Variants in UNC45B observed in about 807,000 individuals in gnomAD.
UNC45B encodes unc-45 myosin chaperone B.
A neutral mutation model predicts 98.7 loss-of-function variants in UNC45B; 78 were observed. The ratio of observed to expected loss-of-function variants is 0.79; its 90% confidence interval spans 0.66 to 0.95. UNC45B has a LOEUF of 0.95. Ranked by LOEUF, UNC45B falls within the 40% of genes least tolerant of loss-of-function variation. The pLI is 0.00. For synonymous variants in UNC45B, 462 were observed against 480.4 expected (o/e 0.96, Z 0.50); for missense variants, 1,225 against 1,184.9 (o/e 1.03, Z -0.50).
chr17:35,171,494 G>T (rs573624158), intron 13 of UNC45B, 32 bp downstream of exon 13: 18 of 1,608,958 alleles, frequency 1.1e-5, no homozygotes, highest in Middle Eastern at 1.7e-4. Context: ...GAGGGGTCTG[G>T]TCTGTGCCAC....
In UNC45B at chr17:35,166,127, G is replaced by A. The variant is rs552069417; in HGVS notation, c.1152-1934G>A. On this transcript the variant is annotated intron_variant, in intron 9 of 19. Coordinates refer to ENST00000394570, the MANE Select transcript of UNC45B (RefSeq NM_001267052.2). ...AAAAAAAAAATTAAAAATGAGTCAA[G>A]TGTGGTGGCACACCCCTGTAGTCTC... is the stretch of plus-strand genomic sequence containing the variant. 7.0e-5 allele frequency among the ~76,000 whole-genome samples: 8 copies of A among 113,704 alleles called. No individual in the cohort carries two copies. In the East Asian group the frequency reaches 1.8e-3, roughly 26 times the overall value. 74.6% of individuals were successfully genotyped at this position (113,704 alleles called of 152,430 possible). A position where few individuals can be genotyped will look rare whatever the true frequency, so the allele number is the denominator to read the frequency against.
At chr17:35,168,953 C>A (rs1414820147) in intron 10 of UNC45B, among the ~76,000 whole-genome samples, 1 of 151,972 alleles carries the variant, frequency 6.6e-6, no homozygotes, top group African/African-American at 2.4e-5. Flanking sequence ...GTGATCCACC[C>A]CCCTGGGCCT....
At position 35,159,399 on chromosome 17, in the gene UNC45B, T is replaced by A; in HGVS notation, c.833T>A (p.Ile278Asn). 1.2e-6 allele frequency: 2 copies of A among 1,613,794 alleles called. No individual in the cohort carries two copies. The highest frequency in any genetic ancestry group is 1.7e-6 in the Non-Finnish European group (2 of 1,179,790). ...GACACCAAGAAGGACCTGAAGCAGA[T>A]CACCAGCCACCTGCTGGACATGCTA... ...VLDTKKDLKQ[I>N]TSHLLDMLVS... Residue 278 changes from isoleucine (I) to asparagine (N), a missense_variant, in exon 8 of 20, where the codon ATC becomes AAC. Coordinates refer to ENST00000394570, the MANE Select transcript of UNC45B (RefSeq NM_001267052.2).
chr17:35,182,381 G>A (rs1467173831), intron 18 of UNC45B, among the ~76,000 whole-genome samples: 13 of 148,604 alleles, frequency 8.7e-5, no homozygotes, highest in Non-Finnish European at 7.4e-5. Flanking sequence ...GAGCCACCGC[G>A]CCCGGCCGGG....
At chr17:35,170,504 G>A (rs2092176982) in intron 12 of UNC45B, among the ~76,000 whole-genome samples, 1 of 145,400 alleles carries the variant, frequency 6.9e-6, no homozygotes. Flanking sequence ...CTCAGGAGGT[G>A]AGGTCTTGAA....
chr17:35,164,677 T>G (rs952102726), intron 9 of UNC45B: 10 of 152,256 alleles, frequency 6.6e-5, no homozygotes, highest in African/African-American at 2.4e-4. Context: ...GAAATTAGGT[T>G]TCAGCTTTTG....
At chr17:35,153,732 T>C (rs1012172210) in intron 5 of UNC45B, among the ~76,000 whole-genome samples, 4 of 151,116 alleles carry the variant, frequency 2.6e-5, no homozygotes, top group African/African-American at 9.7e-5. Context: ...TTTGGAAAAG[T>C]ACAAAGCCCT....
rs1051649599 is a variant in UNC45B at position 35,187,660 on chromosome 17, G to C, written c.*1101G>C. ...TGTCCAATTGACATGGACTGATTAG[G>C]GGTATTAATGGAAGAGGTGTGCCAC... On this transcript the variant is annotated 3_prime_UTR_variant, in exon 20 of 20. Coordinates refer to ENST00000394570, the MANE Select transcript of UNC45B (RefSeq NM_001267052.2). The C allele has an allele frequency of 2.0e-5, 3 of 152,216 alleles. No individual in the cohort carries two copies. The highest frequency in any genetic ancestry group is 4.4e-5 in the Non-Finnish European group (3 of 68,036). The allele number at this position is 152,216 out of a possible 1,614,324, so 9.4% of individuals were successfully genotyped here. A position where few individuals can be genotyped will look rare whatever the true frequency, so the allele number is the denominator to read the frequency against.
intron 4 of UNC45B, among the ~76,000 whole-genome samples, chr17:35,151,809 G>A (rs1252291722): frequency 1.3e-5 from 2 of 152,328 alleles, no homozygotes; most frequent in East Asian, 1.9e-4. Context: ...CAAAGGAAAT[G>A]AGCACAAGGC....
chr17:35,163,623 G>A (rs577502670), intron 8 of UNC45B, among the ~76,000 whole-genome samples: 4 of 152,266 alleles, frequency 2.6e-5, no homozygotes, highest in African/African-American at 9.6e-5. Flanking sequence ...GAGGTAGGTA[G>A]TATTATTCCC....
At chr17:35,175,221 T>C (rs139142458) in intron 14 of UNC45B, among the ~76,000 whole-genome samples, 3 of 152,166 alleles carry the variant, frequency 2.0e-5, no homozygotes, top group Admixed American at 6.5e-5. Context: ...TGGAAGTTTG[T>C]ATCAGGAGAA....
At chr17:35,167,024 A>G (rs1219435191) in intron 9 of UNC45B, 1 of 152,260 alleles carries the variant, frequency 6.6e-6, no homozygotes, top group Non-Finnish European at 1.5e-5. Context: ...GTAGATGATA[A>G]TAGATTCTGA....
chr17:35,187,909 AG>A lies in UNC45B; in HGVS notation c.*1353del, dbSNP rs1567773602. On this transcript the variant is annotated 3_prime_UTR_variant, in exon 20 of 20. Coordinates refer to ENST00000394570, the MANE Select transcript of UNC45B (RefSeq NM_001267052.2). Reference sequence around the variant, plus strand: ...CAGTTCTGATCTCAGCATTGGGTAAAGGGTGGGACATTCAGATTTACGGTCC... The same window carrying A: ...CAGTTCTGATCTCAGCATTGGGTAAAGGTGGGACATTCAGATTTACGGTCC... 1 of 152,204 alleles carries A rather than the reference AG, an allele frequency of 6.6e-6. No homozygotes were observed. Among genetic ancestry groups the A allele is most frequent in the Admixed American group, 6.5e-5 (1 of 15,274 alleles). 9.4% of individuals were successfully genotyped at this position (152,204 alleles called of 1,614,324 possible). A position where few individuals can be genotyped will look rare whatever the true frequency, so the allele number is the denominator to read the frequency against.
chr17:35,164,160 A>G lies in UNC45B; in HGVS notation c.1145A>G (p.Tyr382Cys), dbSNP rs894287699. Residue 382 changes from tyrosine to cysteine, a missense_variant, in exon 9 of 20, where the codon TAT becomes TGT. Tyr to Cys is a radical substitution (Grantham distance 194). Coordinates refer to ENST00000394570, the MANE Select transcript of UNC45B (RefSeq NM_001267052.2). The stretch of plus-strand genomic sequence containing the variant: ...CACTTCCGCAAGATCTGTGAGGAAT[A>G]TATCACGTAAGTTTCCTGGAGGCCT... ...RDHFRKICEEYITGKFDPQDM... is the reference protein window; with the variant it reads ...RDHFRKICEECITGKFDPQDM... 4 of 1,608,290 alleles carry G rather than the reference A, an allele frequency of 2.5e-6. No individual in the cohort carries two copies. The highest frequency in any genetic ancestry group is 1.3e-5 in the African/African-American group (1 of 74,546).
chr17:35,187,867 G>T lies in UNC45B; in HGVS notation c.*1308G>T, dbSNP rs545767698. ...TCCAGTATGTCCCAATTCTACCTAC[G>T]TTTATTGAAGGGTCAACAGTTCTGA... On this transcript the variant is annotated 3_prime_UTR_variant, in exon 20 of 20. Coordinates refer to ENST00000394570, the MANE Select transcript of UNC45B (RefSeq NM_001267052.2). 2.0e-5 allele frequency: 3 copies of T among 152,294 alleles called. No homozygotes were observed. The highest frequency in any genetic ancestry group is 4.4e-5 in the Non-Finnish European group (3 of 68,020). 9.4% of individuals were successfully genotyped at this position (152,294 alleles called of 1,614,324 possible).
At chr17:35,152,857 A>G (rs1277312467) in intron 4 of UNC45B, 36 bp from the exon 5 acceptor site, 1 of 1,554,746 alleles carries the variant, frequency 6.4e-7, no homozygotes, top group Admixed American at 1.7e-5. Flanking sequence ...CGTGGACCCC[A>G]CCTGCCTCCT....
intron 17 of UNC45B, among the ~76,000 whole-genome samples, chr17:35,178,563 T>G (rs529122824): frequency 1.3e-5 from 2 of 152,248 alleles, no homozygotes; most frequent in Non-Finnish European, 2.9e-5. Context: ...TTTGTCAATT[T>G]TGGCTTTTGT....
intron 9 of UNC45B, among the ~76,000 whole-genome samples, chr17:35,165,321 T>A (rs983333671): frequency 6.6e-6 from 1 of 152,236 alleles, no homozygotes; most frequent in African/African-American, 2.4e-5. Flanking sequence ...TTCCTGAGTC[T>A]CCTCACTGGT....
chr17:35,179,854 T>G lies in UNC45B; in HGVS notation c.2256-705T>G, dbSNP rs536072893. ...AACATGGCACGCACATGTATACCTA[T>G]GTAACAAACCTGCACGTTGTGCACA... On this transcript the variant is annotated intron_variant, in intron 17 of 19. Transcript: ENST00000394570. 2.4e-3 allele frequency among the ~76,000 whole-genome samples: 359 copies of G among 152,070 alleles called. 2 individuals are homozygous for G. The highest frequency in any genetic ancestry group is 3.8e-3 in the Non-Finnish European group (257 of 67,994).
Sources: allele counts gnomAD v4.1 joint callset (sites outside exome capture counted in the v4.1 genomes callset), GRCh38; gene constraint gnomAD v4.1.1; transcripts MANE v1.5; gene names NCBI Gene and HGNC (gene_info 2026-07-23, HGNC 2026-07-21).